The following AP1AR variants were observed in gnomAD, a reference collection of about 807,000 sequenced individuals.
The protein encoded by AP1AR is AP-1 complex-associated regulatory protein.
Under a neutral mutation model 46.3 loss-of-function variants are expected in AP1AR, and 29 were observed. The observed-to-expected ratio is 0.63, with a 90% CI of 0.47 to 0.85. The LOEUF is 0.85. AP1AR is among the 40% of genes least tolerant of loss of function. The pLI, the probability that AP1AR is intolerant of heterozygous loss-of-function variation, is 0.00. For synonymous variants in AP1AR, 122 were observed against 122.9 expected (o/e 0.99, Z 0.05); for missense variants, 357 against 356.3 (o/e 1.00, Z -0.02).
At chr4:112,238,821 G>A (rs17044330) in intron 1 of AP1AR, among the ~76,000 whole-genome samples, 4,265 of 152,240 alleles carry the variant, frequency 0.028, 186 homozygotes, top group East Asian at 0.16. Flanking sequence ...CCACTTATCT[G>A]TCAAACATAA....
chr4:112,256,223 A>G (rs1218192462), intron 3 of AP1AR, among the ~76,000 whole-genome samples: 1 of 152,246 alleles, frequency 6.6e-6, no homozygotes, highest in African/African-American at 2.4e-5. Flanking sequence ...CATATTTTTC[A>G]TCTGATAGGA....
intron 1 of AP1AR, among the ~76,000 whole-genome samples, chr4:112,239,385 T>G (rs1263879214): frequency 6.6e-6 from 1 of 152,222 alleles, no homozygotes; most frequent in Non-Finnish European, 1.5e-5. Context: ...CAAAGTAACC[T>G]AATGTTCACC....
chr4:112,233,749 C>G (rs1417529139), intron 1 of AP1AR, among the ~76,000 whole-genome samples: 1 of 152,190 alleles, frequency 6.6e-6, no homozygotes, highest in Non-Finnish European at 1.5e-5. Flanking sequence ...GTTCTACTCC[C>G]TCAGCTCGTG....
intron 6 of AP1AR, among the ~76,000 whole-genome samples, chr4:112,263,976 A>AT (rs1726563901): frequency 6.6e-6 from 1 of 152,180 alleles, no homozygotes; most frequent in African/African-American, 2.4e-5. Flanking sequence ...TATAAAGATC[A>AT]TGTCACATTG....
chr4:112,254,870 G>C, intron 3 of AP1AR, 97 bp downstream of exon 3: 1 of 617,650 alleles, frequency 1.6e-6, no homozygotes, highest in Non-Finnish European at 2.5e-6. Context: ...TATTATTTTT[G>C]TTTTAGAATT....
Position 112,231,925 on chromosome 4 carries a change from G to C in AP1AR, c.-167G>C, listed in dbSNP as rs1321710082. On this transcript the variant is annotated 5_prime_UTR_variant, in exon 1 of 10. Transcript: ENST00000274000. ...GTAAACACTGCCTTTGTTCCCTAGC[G>C]CCTCGTCTTTCGTCGCCCCGTGCCC... 1.5e-5 allele frequency: 7 copies of C among 480,976 alleles called. No individual in the cohort carries two copies. In the East Asian group the frequency reaches 1.8e-4, roughly 12 times the overall value. The allele number at this position is 480,976 out of a possible 1,614,324, so 29.8% of individuals were successfully genotyped here. A position where few individuals can be genotyped will look rare whatever the true frequency, so the allele number is the denominator to read the frequency against.
chr4:112,260,892 A>T (rs755607226), intron 5 of AP1AR, 30 bp downstream of exon 5: 1 of 1,341,130 alleles, frequency 7.5e-7, no homozygotes, highest in East Asian at 2.4e-5. Flanking sequence ...GCTTAAGTAC[A>T]TGTTATCATA....
chr4:112,249,923 A>G (rs1298913100), intron 1 of AP1AR, among the ~76,000 whole-genome samples: 1 of 152,198 alleles, frequency 6.6e-6, no homozygotes, highest in African/African-American at 2.4e-5. Context: ...TGATGCATTT[A>G]TCTATGTGTT....
intron 1 of AP1AR, among the ~76,000 whole-genome samples, chr4:112,244,911 T>C (rs542784794): frequency 1.3e-5 from 2 of 152,292 alleles, no homozygotes; most frequent in Admixed American, 6.5e-5. Context: ...AGAATACTGT[T>C]TTTTAGCTTC....
intron 1 of AP1AR, among the ~76,000 whole-genome samples, chr4:112,242,885 A>G (rs373503962): frequency 4.6e-5 from 7 of 152,236 alleles, no homozygotes; most frequent in African/African-American, 7.2e-5. Context: ...TCACAGGACC[A>G]TAAGAATTAC....
At position 112,270,004 on chromosome 4, in the gene AP1AR, A is replaced by G. The variant is rs1295505204; in HGVS notation, c.*1595A>G. ...GAATTTTTTGAAGGAATGGTAACAA[A>G]TGGTAATTTACAAATGGTTGTGAAT... On this transcript the variant is annotated 3_prime_UTR_variant, in exon 10 of 10. Transcript: ENST00000274000. 1 of 152,592 alleles carries G rather than the reference A, an allele frequency of 6.6e-6. No individual in the cohort carries two copies. The highest frequency in any genetic ancestry group is 1.5e-5 in the Non-Finnish European group (1 of 67,988). The allele number at this position is 152,592 out of a possible 1,614,324, so 9.5% of individuals were successfully genotyped here.
chr4:112,235,366 T>C (rs999901069), intron 1 of AP1AR, among the ~76,000 whole-genome samples: 2 of 152,220 alleles, frequency 1.3e-5, no homozygotes, highest in Admixed American at 1.3e-4. Context: ...TAAGATAAAC[T>C]AGTTTTTATA....
chr4:112,243,545 A>G (rs1725597195), intron 1 of AP1AR, among the ~76,000 whole-genome samples: 1 of 152,342 alleles, frequency 6.6e-6, no homozygotes, highest in Non-Finnish European at 1.5e-5. Flanking sequence ...CTCACTGTTT[A>G]GGACTTGTAT....
chr4:112,255,313 A>T (rs1726141265), intron 3 of AP1AR, among the ~76,000 whole-genome samples: 1 of 152,180 alleles, frequency 6.6e-6, no homozygotes, highest in Admixed American at 6.5e-5. Context: ...CAGGATTTAA[A>T]GCGTTATACA....
chr4:112,264,084 C>T (rs1254783646), intron 6 of AP1AR, among the ~76,000 whole-genome samples: 1 of 152,080 alleles, frequency 6.6e-6, no homozygotes, highest in East Asian at 1.9e-4. Flanking sequence ...TCATTTTTTT[C>T]CCTCTCTCTC....
intron 1 of AP1AR, among the ~76,000 whole-genome samples, chr4:112,237,637 TAG>T (rs1725310802): frequency 6.6e-6 from 1 of 151,886 alleles, no homozygotes; most frequent in Non-Finnish European, 1.5e-5. Flanking sequence ...GTATTTTTTG[TAG>T]AGACACGCAG....
rs1726988674 is a variant in AP1AR, at chr4:112,272,347, T to G, written c.*3938T>G. Among the ~76,000 whole-genome samples, 1 of 151,958 alleles carries G rather than the reference T, an allele frequency of 6.6e-6. No homozygotes were observed. The highest frequency in any genetic ancestry group is 1.5e-5 in the Non-Finnish European group (1 of 67,950). ...TGGGCAACAACTTCCCAATAAGAAT[T>G]TAAGATGGCAGAGTTTGGCCTTCCT... On this transcript the variant is annotated 3_prime_UTR_variant, in exon 10 of 10. Coordinates refer to ENST00000274000, the MANE Select transcript of AP1AR (RefSeq NM_018569.6).
intron 1 of AP1AR, among the ~76,000 whole-genome samples, chr4:112,251,104 ATT>A (rs1333152522): frequency 6.6e-6 from 1 of 152,140 alleles, no homozygotes; most frequent in Non-Finnish European, 1.5e-5. Context: ...CTCATTGCGC[ATT>A]GTCAGAAAGC....
rs1246547031 is a variant in AP1AR at position 112,253,359 on chromosome 4, CTG to C, written c.132+105_132+106del. 21 of 803,028 alleles carry C rather than the reference CTG, an allele frequency of 2.6e-5. No individual in the cohort carries two copies. The East Asian group carries it at 5.4e-4, about 21-fold the overall frequency. 49.7% of individuals were successfully genotyped at this position (803,028 alleles called of 1,614,324 possible). On this transcript the variant is annotated intron_variant, in intron 2 of 9. Coordinates refer to ENST00000274000, the MANE Select transcript of AP1AR (RefSeq NM_018569.6). The stretch of plus-strand genomic sequence containing the variant: ...GATCTGGACCCAAATTTAGAATGGA[CTG>C]TTTATATTTCAATATTATTCATGTT...
Sources: allele counts gnomAD v4.1 joint callset (sites outside exome capture counted in the v4.1 genomes callset), GRCh38; gene constraint gnomAD v4.1.1; transcripts MANE v1.5; gene names NCBI Gene and HGNC (gene_info 2026-07-23, HGNC 2026-07-21).